Variants in SV2B observed in about 807,000 individuals in gnomAD.
The protein encoded by SV2B is solute carrier family 22 member B2.
In SV2B, 41 loss-of-function variants were observed where a neutral mutation model predicts 73.9. That is an observed-to-expected ratio of 0.56 (90% confidence interval 0.43 to 0.72). The LOEUF (loss-of-function observed/expected upper bound fraction) is 0.72, where lower values mean the gene tolerates loss of function less well. Ranked by LOEUF, SV2B falls within the 30% of genes least tolerant of loss-of-function variation. The pLI is 0.00. For synonymous variants in SV2B, 314 were observed against 314.2 expected, an observed-to-expected ratio of 1.00 and a Z score of 0.01; for missense variants, 764 against 857.8, an observed-to-expected ratio of 0.89 and a Z score of 1.37.
Position 91,267,435 on chromosome 15 carries a change from C to A in SV2B, c.1120-120C>A, listed in dbSNP as rs986999336. 20 of 799,832 alleles carry A rather than the reference C, an allele frequency of 2.5e-5. No individual in the cohort carries two copies. Among genetic ancestry groups the A allele is most frequent in the Non-Finnish European group, 4.2e-5 (20 of 479,344 alleles). The allele number at this position is 799,832 out of a possible 1,614,324, so 49.5% of individuals were successfully genotyped here. ...GCTGCCTCTAGGAGACAGTGGGGTA[C>A]CGGTTCTCTCCATGGGTTCCTAGGC... On this transcript the variant is annotated intron_variant, in intron 7 of 12. Transcript: ENST00000394232. This position sits in a 1 kb window ranked among gnomAD's most constrained non-coding sequence, Gnocchi z 4.3.
intron 1 of SV2B, among the ~76,000 whole-genome samples, chr15:91,162,560 A>G (rs2043760308): frequency 6.6e-6 from 1 of 152,200 alleles, no homozygotes; most frequent in Non-Finnish European, 1.5e-5. Flanking sequence ...TAGCTCAGAC[A>G]TCTGGCATGG....
Position 91,221,690 on chromosome 15 carries a change from T to TGC in SV2B, c.-391-4180_-391-4179dup, listed in dbSNP as rs1555486412. On this transcript the variant is annotated intron_variant, in intron 1 of 12. Coordinates refer to ENST00000394232, the MANE Select transcript of SV2B (RefSeq NM_001323032.3). ...CACCTGTGGACTATTACCAAGCATG[T>TGC]GCGCACACACACACACACACACACA... Among the ~76,000 whole-genome samples the TGC allele has an allele frequency of 8.0e-3, 890 of 111,044 alleles. 10 individuals are homozygous for TGC. The highest frequency in any genetic ancestry group is 0.05 in the South Asian group (136 of 2,698). 72.8% of individuals were successfully genotyped at this position (111,044 alleles called of 152,430 possible).
intron 6 of SV2B, among the ~76,000 whole-genome samples, chr15:91,266,098 G>A (rs2048090800): frequency 6.6e-6 from 1 of 152,182 alleles, no homozygotes; most frequent in Admixed American, 6.5e-5. Flanking sequence ...AGCCGAGATC[G>A]TGCCACTGCA....
rs2046687355 is a variant in SV2B at position 91,234,104 on chromosome 15, A to G, written c.451+7390A>G. Reference sequence around the variant, plus strand: ...TCATTGGTTGGCTGAAATGTAGACCAAAATGTGGCCCATAGTAAATGAAGT... The same window carrying G: ...TCATTGGTTGGCTGAAATGTAGACCGAAATGTGGCCCATAGTAAATGAAGT... On this transcript the variant is annotated intron_variant, in intron 2 of 12. Coordinates refer to ENST00000394232, the MANE Select transcript of SV2B (RefSeq NM_001323032.3). This position sits in a 1 kb window ranked among gnomAD's most constrained non-coding sequence, Gnocchi z 5.6. Among the ~76,000 whole-genome samples, 1 of 152,204 alleles carries G rather than the reference A, an allele frequency of 6.6e-6. No individual in the cohort carries two copies. Among genetic ancestry groups the G allele is most frequent in the Non-Finnish European group, 1.5e-5 (1 of 68,030 alleles).
chr15:91,184,387 T>C (rs903745943), intron 1 of SV2B, among the ~76,000 whole-genome samples: 4 of 152,218 alleles, frequency 2.6e-5, no homozygotes, highest in African/African-American at 7.2e-5. Flanking sequence ...ATCAATGTTA[T>C]CTATCAATAC....
At chr15:91,246,470 A>G (rs578041218) in intron 2 of SV2B, among the ~76,000 whole-genome samples, 40 of 152,202 alleles carry the variant, frequency 2.6e-4, no homozygotes, top group African/African-American at 3.6e-4. Flanking sequence ...AAAGATGGGC[A>G]CCGAATTTTA....
rs2042942765 is a variant in SV2B at position 91,139,602 on chromosome 15, G to A, written c.-392+39239G>A. Among the ~76,000 whole-genome samples the A allele has an allele frequency of 6.6e-6, 1 of 152,168 alleles. No individual in the cohort carries two copies. The highest frequency in any genetic ancestry group is 1.5e-5 in the Non-Finnish European group (1 of 68,030). ...GTTAAGCTGCAACCCCAGCTAAGGT[G>A]ATCCCAGGTCTACAGTGTCCCTGGC... On this transcript the variant is annotated intron_variant, in intron 1 of 12. Coordinates refer to ENST00000394232, the MANE Select transcript of SV2B (RefSeq NM_001323032.3). The surrounding 1 kb of genome is among the most constrained non-coding windows in gnomAD (Gnocchi z 5.2).
At chr15:91,107,948 A>G (rs2041934791) in intron 1 of SV2B, among the ~76,000 whole-genome samples, 1 of 152,078 alleles carries the variant, frequency 6.6e-6, no homozygotes, top group Non-Finnish European at 1.5e-5. Context: ...ACTTGAGCAC[A>G]TTATTTAATT....
In SV2B at chr15:91,217,351, TC is replaced by T. The variant is rs2046067635; in HGVS notation, c.-391-8520del. On this transcript the variant is annotated intron_variant, in intron 1 of 12. Transcript: ENST00000394232. ...ACATAAACAAAGAGACACCAATAAT[TC>T]CAGTATAATATGATAATAGAAATAT... is the stretch of plus-strand genomic sequence containing the variant. Among the ~76,000 whole-genome samples, 5 of 152,184 alleles carry T rather than the reference TC, an allele frequency of 3.3e-5. No homozygotes were observed. The South Asian group carries it at 1.0e-3, about 32-fold the overall frequency.
At chr15:91,292,277 T>C (rs1296370351) in intron 12 of SV2B, 92 bp from the exon 13 acceptor site, 2 of 1,329,844 alleles carry the variant, frequency 1.5e-6, no homozygotes, top group East Asian at 4.7e-5. Context: ...CCTTGCACCC[T>C]CTTCCCCCTG....
At chr15:91,188,763 C>T (rs1017012952) in intron 1 of SV2B, among the ~76,000 whole-genome samples, 2 of 152,096 alleles carry the variant, frequency 1.3e-5, no homozygotes, top group South Asian at 4.1e-4. Flanking sequence ...TTCTCATGAC[C>T]TAGTAGCTTC....
At position 91,226,460 on chromosome 15, in the gene SV2B, T is replaced by A; in HGVS notation, c.197T>A (p.Met66Lys). The A allele has an allele frequency of 6.2e-7, 1 of 1,614,176 alleles. No homozygotes were observed. ...PDDVKAKQAK[M>K]APSRMDSLRG... is the part of the protein sequence containing the mutation. ...GATGTCAAGGCCAAGCAGGCCAAGA[T>A]GGCGCCCTCCAGAATGGACAGCCTT... The change falls in exon 2 of 13, where the codon ATG becomes AAG. Residue 66 changes from methionine to lysine, a missense_variant. Physicochemically the swap from Met to Lys is moderately conservative, Grantham distance 95. Transcript: ENST00000394232.
At chr15:91,206,598 G>T (rs1277581545) in intron 1 of SV2B, among the ~76,000 whole-genome samples, 1 of 152,172 alleles carries the variant, frequency 6.6e-6, no homozygotes, top group Non-Finnish European at 1.5e-5. Context: ...CATCTGGGGA[G>T]GTTGTGGGCA....
Position 91,136,955 on chromosome 15 carries a change from T to C in SV2B, c.-392+36592T>C, listed in dbSNP as rs61470181. 2.0e-5 allele frequency among the ~76,000 whole-genome samples: 3 copies of C among 152,086 alleles called. No homozygotes were observed. The highest frequency in any genetic ancestry group is 7.3e-5 in the African/African-American group (3 of 41,346). ...GGATTTTGGCAGATGAAGGAAAAAC[T>C]ATCTGCTCCTGAATGAAAATTTGAT... On this transcript the variant is annotated intron_variant, in intron 1 of 12. Transcript: ENST00000394232. This position sits in a 1 kb window ranked among gnomAD's most constrained non-coding sequence, Gnocchi z 5.6.
rs1330093978 is a variant in SV2B, at chr15:91,245,245, T to A, written c.452-6574T>A. Among the ~76,000 whole-genome samples the A allele has an allele frequency of 6.6e-6, 1 of 152,218 alleles. No homozygotes were observed. Among genetic ancestry groups the A allele is most frequent in the Non-Finnish European group, 1.5e-5 (1 of 68,038 alleles). Reference sequence around the variant, plus strand: ...CTCAAGAGCCACAAACTTGTTGATCTCCTTCGATCTCATGATTCGATTTCT... The same window carrying A: ...CTCAAGAGCCACAAACTTGTTGATCACCTTCGATCTCATGATTCGATTTCT... On this transcript the variant is annotated intron_variant, in intron 2 of 12. Transcript: ENST00000394232. This position sits in a 1 kb window ranked among gnomAD's most constrained non-coding sequence, Gnocchi z 4.2.
chr15:91,109,101 T>A (rs2041968325), intron 1 of SV2B, among the ~76,000 whole-genome samples: 1 of 152,214 alleles, frequency 6.6e-6, no homozygotes, highest in Admixed American at 6.5e-5. Context: ...GCAGATAGGC[T>A]ACATCCTTCC....
intron 1 of SV2B, among the ~76,000 whole-genome samples, chr15:91,133,508 A>G (rs2042720592): frequency 6.6e-6 from 1 of 152,152 alleles, no homozygotes; most frequent in Admixed American, 6.5e-5. Flanking sequence ...GTAGGCACAA[A>G]TAGCACATCT....
chr15:91,206,104 C>G (rs2045628498), intron 1 of SV2B, among the ~76,000 whole-genome samples: 1 of 152,018 alleles, frequency 6.6e-6, no homozygotes, highest in South Asian at 2.1e-4. Context: ...GTGGTGCAAT[C>G]CTAGCTCACT....
At chr15:91,222,622 G>A (rs1216927264) in intron 1 of SV2B, among the ~76,000 whole-genome samples, 1 of 152,178 alleles carries the variant, frequency 6.6e-6, no homozygotes, top group Admixed American at 6.5e-5. Context: ...CTCTGCGTGT[G>A]ACCTTGACTT....
Sources: allele counts gnomAD v4.1 joint callset (sites outside exome capture counted in the v4.1 genomes callset), GRCh38; gene constraint gnomAD v4.1.1; non-coding constraint Gnocchi (gnomAD v3.1); transcripts MANE v1.5; gene names NCBI Gene and HGNC (gene_info 2026-07-23, HGNC 2026-07-21).